TCF3: variants seen among roughly 807,000 people sequenced by gnomAD.
The protein encoded by TCF3 is transcription factor 3, also known as transcription factor E2-alpha.
In TCF3, 54 loss-of-function variants were observed where a neutral mutation model predicts 72.3. That is an observed-to-expected ratio of 0.75 (90% CI 0.60 to 0.94). The LOEUF is 0.94. Ranked by LOEUF, TCF3 falls within the 40% of genes least tolerant of loss-of-function variation. TCF3 has a pLI of 0.00. For missense variants in TCF3, 1,078 were observed against 934.4 expected (o/e 1.15, Z -2.00); for synonymous variants, 525 against 412.6 (o/e 1.27, Z -3.30).
In TCF3 at chr19:1,625,691, G is replaced by A. The variant is rs376877644; in HGVS notation, c.384C>T (p.Gly128=). 6.6e-6 allele frequency: 10 copies of A among 1,517,464 alleles called. No individual in the cohort carries two copies. The Admixed American group carries it at 1.5e-4, about 22-fold the overall frequency. 94.0% of individuals were successfully genotyped at this position (1,517,464 alleles called of 1,614,324 possible). A position where few individuals can be genotyped will look rare whatever the true frequency, so the allele number is the denominator to read the frequency against. Residue 128 remains glycine (G), a synonymous_variant, in exon 7 of 19, where the codon GGC becomes GGT. Transcript: ENST00000262965. The part of the protein sequence containing the change: ...GGLTQAGFLS[G]ELALNSPGPL... Reference sequence around the variant, plus strand: ...GCCCGGGGCTGTTGAGGGCCAGCTCGCCTGACAGGAAGCCAGCCTGGTGGG... The same window carrying A: ...GCCCGGGGCTGTTGAGGGCCAGCTCACCTGACAGGAAGCCAGCCTGGTGGG...
intron 3 of TCF3, among the ~76,000 whole-genome samples, chr19:1,634,508 G>T (rs980885268): frequency 1.4e-4 from 22 of 152,234 alleles, no homozygotes; most frequent in African/African-American, 4.6e-4. Flanking sequence ...TTCCAGTCAC[G>T]GGGTGTGGAA....
At chr19:1,635,576 C>T (rs771856505) in intron 3 of TCF3, among the ~76,000 whole-genome samples, 31 of 152,000 alleles carry the variant, frequency 2.0e-4, no homozygotes, top group Admixed American at 4.6e-4. Flanking sequence ...ACACAGCTGA[C>T]GCCCCCAAAA....
Position 1,646,382 on chromosome 19 carries a change from G to C in TCF3, c.118C>G (p.Leu40Val). Residue 40 changes from leucine (L) to valine (V), a missense_variant, in exon 3 of 19, where the codon CTG becomes GTG. Leu to Val is a conservative substitution (Grantham distance 32). Transcript: ENST00000262965. Reference protein sequence around the residue: ...VTNGKGRPASLAGAQFGGSGL... With the variant: ...VTNGKGRPASVAGAQFGGSGL... ...GAACCTCCGAACTGCGCCCCGGCCA[G>C]GGAGGCGGGCCGGCCCTTCCCGTTG... is the stretch of plus-strand genomic sequence containing the variant. The C allele has an allele frequency of 6.5e-7, 1 of 1,550,352 alleles. No individual in the cohort carries two copies. Among genetic ancestry groups the C allele is most frequent in the Non-Finnish European group, 8.7e-7 (1 of 1,146,720 alleles).
rs747096662 is a variant in TCF3, at chr19:1,611,811, G to A, written c.1861C>T (p.Arg621Ter). Residue 621 changes from arginine to a stop codon, truncating the protein, a stop_gained, in exon 19 of 19, where the codon CGA becomes TGA. Coordinates refer to ENST00000262965, the MANE Select transcript of TCF3 (RefSeq NM_003200.5). LOFTEE classifies it low-confidence loss of function (END_TRUNC). ...ACACCTGACACCTTTTCCTCTTCTC[G>A]CCGTTTCAAACAGGCTGCTTTGGGA... ...LNPKAACLKR[R>*]EEEKVSGVVG... 8 of 1,613,396 alleles carry A rather than the reference G, an allele frequency of 5.0e-6. No individual in the cohort carries two copies. Among genetic ancestry groups the A allele is most frequent in the Non-Finnish European group, 5.1e-6 (6 of 1,179,874 alleles).
chr19:1,650,396 G>T, intron 1 of TCF3, 109 bp from the exon 2 acceptor site: 2 of 799,338 alleles, frequency 2.5e-6, no homozygotes, highest in Non-Finnish European at 3.9e-6. Context: ...ACCCTCAACC[G>T]CCCTGGGGTC....
chr19:1,648,556 A>C (rs564974720), intron 2 of TCF3, among the ~76,000 whole-genome samples: 23 of 152,352 alleles, frequency 1.5e-4, no homozygotes, highest in Admixed American at 1.2e-3. Flanking sequence ...AACAAAAAAC[A>C]ACCCAACTGC....
intron 3 of TCF3, among the ~76,000 whole-genome samples, chr19:1,646,087 GC>G (rs965596529): frequency 2.0e-5 from 3 of 152,060 alleles, no homozygotes; most frequent in African/African-American, 7.2e-5. Flanking sequence ...CTAAAAACAA[GC>G]CCCACCCAGC....
chr19:1,648,869 A>C (rs1044417944), intron 2 of TCF3, among the ~76,000 whole-genome samples: 4 of 152,022 alleles, frequency 2.6e-5, no homozygotes, highest in African/African-American at 9.7e-5. Context: ...GGCCAGAAGA[A>C]ACAAACCAAG....
At chr19:1,616,853 AG>A (rs1287094346) in intron 16 of TCF3, among the ~76,000 whole-genome samples, 1 of 152,260 alleles carries the variant, frequency 6.6e-6, no homozygotes, top group Non-Finnish European at 1.5e-5. Flanking sequence ...CAAAGATACC[AG>A]GAAAAGAAAA....
At chr19:1,627,456 G>A (rs747719242) in intron 5 of TCF3, 30 bp from the exon 6 acceptor site, 5 of 1,608,368 alleles carry the variant, frequency 3.1e-6, no homozygotes, top group East Asian at 4.5e-5. Context: ...GTTAGTGGGA[G>A]GCGACCCCAA....
In TCF3 at chr19:1,615,208, C is replaced by A; in HGVS notation, c.1822+77G>T. Reference sequence around the variant, plus strand: ...GGAGGGCTGGCTCCAGGAAGGCGGGCGGGGAAGGAGAACGAGGGCAGGAAC... The same window carrying A: ...GGAGGGCTGGCTCCAGGAAGGCGGGAGGGGAAGGAGAACGAGGGCAGGAAC... On this transcript the variant is annotated intron_variant, in intron 18 of 18. Coordinates refer to ENST00000262965, the MANE Select transcript of TCF3 (RefSeq NM_003200.5). The surrounding 1 kb of genome is among the most constrained non-coding windows in gnomAD (Gnocchi z 7.3). 1.3e-6 allele frequency: 2 copies of A among 1,487,088 alleles called. No individual in the cohort carries two copies. The highest frequency in any genetic ancestry group is 1.4e-5 in the African/African-American group (1 of 71,314). The allele number at this position is 1,487,088 out of a possible 1,614,324, so 92.1% of individuals were successfully genotyped here. A position where few individuals can be genotyped will look rare whatever the true frequency, so the allele number is the denominator to read the frequency against.
chr19:1,619,555 A>C, intron 14 of TCF3, 81 bp from the exon 15 acceptor site: 1 of 1,492,472 alleles, frequency 6.7e-7, no homozygotes, highest in Non-Finnish European at 8.9e-7. Flanking sequence ...TCCGCATGCA[A>C]GTGGCCGGTG....
chr19:1,629,375 G>A (rs906224534), intron 5 of TCF3, among the ~76,000 whole-genome samples: 5 of 152,160 alleles, frequency 3.3e-5, no homozygotes, highest in African/African-American at 9.7e-5. Context: ...GGGTTCATTC[G>A]CGAATGAGCA....
chr19:1,651,522 G>C (rs1346808417), intron 1 of TCF3, among the ~76,000 whole-genome samples: 1 of 152,244 alleles, frequency 6.6e-6, no homozygotes, highest in African/African-American at 2.4e-5. Context: ...ACTTAGTTGG[G>C]GGGGTGGCGA....
chr19:1,622,485 G>C, intron 8 of TCF3, 70 bp from the exon 9 acceptor site: 1 of 862,682 alleles, frequency 1.2e-6, no homozygotes, highest in Non-Finnish European at 1.7e-6. Flanking sequence ...GCACCTTGCC[G>C]GCCTCCTGTC....
intron 7 of TCF3, 122 bp downstream of exon 7, chr19:1,625,454 G>T (rs1221615939): frequency 4.7e-6 from 6 of 1,271,152 alleles, no homozygotes; most frequent in African/African-American, 1.6e-5. Context: ...CCGACGTCCA[G>T]CCAGGACCTG....
chr19:1,640,939 A>AG (rs1307717393), intron 3 of TCF3, among the ~76,000 whole-genome samples: 1 of 152,230 alleles, frequency 6.6e-6, no homozygotes, highest in Admixed American at 6.5e-5. Context: ...ACTGGAGGTC[A>AG]GGAGTTTGAG....
At chr19:1,633,548 C>G (rs1474729747) in intron 3 of TCF3, among the ~76,000 whole-genome samples, 1 of 152,214 alleles carries the variant, frequency 6.6e-6, no homozygotes. Flanking sequence ...AATCATTCCC[C>G]CCGGGGAGTA....
intron 3 of TCF3, among the ~76,000 whole-genome samples, chr19:1,646,059 C>G (rs2066040844): frequency 6.6e-6 from 1 of 152,134 alleles, no homozygotes; most frequent in African/African-American, 2.4e-5. Flanking sequence ...ACACACAGGC[C>G]CAGCTCCAAC....
Sources: allele counts gnomAD v4.1 joint callset (sites outside exome capture counted in the v4.1 genomes callset), GRCh38; gene constraint gnomAD v4.1.1; non-coding constraint Gnocchi (gnomAD v3.1); transcripts MANE v1.5; gene names NCBI Gene and HGNC (gene_info 2026-07-23, HGNC 2026-07-21).